CCDC154: variants seen among roughly 807,000 people sequenced by gnomAD.
The protein encoded by CCDC154 is coiled-coil domain containing 154.
CCDC154 carries 91 observed loss-of-function variants against 87.5 expected under a neutral mutation model. The observed-to-expected ratio is 1.04, with a 90% CI of 0.88 to 1.24. CCDC154 has a LOEUF of 1.24. Among genes scored for constraint, CCDC154 ranks in the 50% most tolerant of loss-of-function variants. The pLI is 0.00. For synonymous variants in CCDC154, 418 were observed against 400.4 expected (o/e 1.04, Z -0.52); for missense variants, 903 against 879.2 (o/e 1.03, Z -0.34).
At chr16:1,442,622 C>T (rs1041821730) in intron 5 of CCDC154, 93 bp from the exon 6 acceptor site, 17 of 1,352,498 alleles carry the variant, frequency 1.3e-5, no homozygotes, top group Middle Eastern at 2.1e-4. Context: ...AGGAGGTGTA[C>T]GACCCCCGCC....
chr16:1,437,625 A>G, intron 11 of CCDC154, 192 bp downstream of exon 11: 1 of 634,248 alleles, frequency 1.6e-6, no homozygotes, highest in Admixed American at 3.5e-5. Context: ...GAGGCTGCTC[A>G]GCGGCTGTCC....
intron 4 of CCDC154, 117 bp downstream of exon 4, chr16:1,443,144 T>C: frequency 7.3e-7 from 1 of 1,376,352 alleles, no homozygotes; most frequent in Non-Finnish European, 1.0e-6. Flanking sequence ...CCTGGATGTG[T>C]ATCCCCCACT....
Position 1,436,902 on chromosome 16 carries a change from G to T in CCDC154, c.1291-91C>A, listed in dbSNP as rs1596203037. ...ACACGGGGAGCTCTGGGGAGCAGGC[G>T]GCCCCCACCCCCACTTCCAGCTCTG... On this transcript the variant is annotated intron_variant, in intron 11 of 16. Transcript: ENST00000389176. 81 of 1,493,146 alleles carry T rather than the reference G, an allele frequency of 5.4e-5. No homozygotes were observed. In the East Asian group the frequency reaches 2.0e-3, roughly 37 times the overall value. 92.5% of individuals were successfully genotyped at this position (1,493,146 alleles called of 1,614,324 possible).
In CCDC154 at chr16:1,434,539, C is replaced by G; in HGVS notation, c.1878-5G>C. 6.5e-7 allele frequency: 1 copy of G among 1,542,438 alleles called. No individual in the cohort carries two copies. The highest frequency in any genetic ancestry group is 1.2e-5 in the South Asian group (1 of 83,748). On this transcript the variant is annotated splice_region_variant and splice_polypyrimidine_tract_variant and intron_variant, in intron 16 of 16. Transcript: ENST00000389176. ...GACGCCTTCCAGCGCAGCCACCTGT[C>G]CAGAGATGCGGCACATGGCCCCTGC...
Position 1,437,782 on chromosome 16 carries a change from T to C in CCDC154, c.1290+35A>G, listed in dbSNP as rs922686375. 31 of 1,508,150 alleles carry C rather than the reference T, an allele frequency of 2.1e-5. No individual in the cohort carries two copies. The East Asian group carries it at 3.7e-4, about 18-fold the overall frequency. The allele number at this position is 1,508,150 out of a possible 1,614,324, so 93.4% of individuals were successfully genotyped here. ...GAGCTGGAGGGGTGGGGACTCCCCA[T>C]AGCCCCGCCTGCCCCCGCCCGCTGC... On this transcript the variant is annotated intron_variant, in intron 11 of 16. Coordinates refer to ENST00000389176, the MANE Select transcript of CCDC154 (RefSeq NM_001143980.3).
intron 11 of CCDC154, 194 bp from the exon 12 acceptor site, chr16:1,437,005 G>GCCCT: frequency 1.4e-6 from 1 of 734,250 alleles, no homozygotes; most frequent in Non-Finnish European, 2.2e-6. Context: ...GCCAAGGCAG[G>GCCCT]GCCTGGGCAG....
intron 6 of CCDC154, among the ~76,000 whole-genome samples, 200 bp downstream of exon 6, chr16:1,442,206 G>A (rs1288897300): frequency 1.3e-5 from 2 of 152,242 alleles, no homozygotes; most frequent in South Asian, 2.1e-4. Flanking sequence ...GTGAGCCACC[G>A]TGCCCAAACA....
At chr16:1,441,822 CT>C (rs2038554560) in intron 6 of CCDC154, among the ~76,000 whole-genome samples, 1 of 152,212 alleles carries the variant, frequency 6.6e-6, no homozygotes, top group Admixed American at 6.5e-5. Context: ...CCAGGCTGGT[CT>C]TGACTTCCCA....
At position 1,443,491 on chromosome 16, in the gene CCDC154, G is replaced by C. The variant is rs896998355; in HGVS notation, c.414+15C>G. The C allele has an allele frequency of 1.4e-5, 20 of 1,451,756 alleles. No homozygotes were observed. The Admixed American group carries it at 2.4e-4, about 18-fold the overall frequency. The allele number at this position is 1,451,756 out of a possible 1,614,324, so 89.9% of individuals were successfully genotyped here. ...GAAAGGGGCAGCTCGACCTGTGGGTGGGGGAGCCGCTCACCTCCGGCGCCT... is the reference window on the plus strand; with the variant it reads ...GAAAGGGGCAGCTCGACCTGTGGGTCGGGGAGCCGCTCACCTCCGGCGCCT... On this transcript the variant is annotated intron_variant, in intron 3 of 16. Coordinates refer to ENST00000389176, the MANE Select transcript of CCDC154 (RefSeq NM_001143980.3).
Position 1,438,034 on chromosome 16 carries a change from T to A in CCDC154, c.1152+16A>T. The A allele has an allele frequency of 6.5e-7, 1 of 1,545,114 alleles. No homozygotes were observed. Among genetic ancestry groups the A allele is most frequent in the South Asian group, 1.2e-5 (1 of 83,718 alleles). ...GTGGGAGACCCCGTTGGGGACATGT[T>A]GCGCTACCCCCTCACCAGCACCAGC... is the stretch of plus-strand genomic sequence containing the variant. On this transcript the variant is annotated intron_variant, in intron 10 of 16. Coordinates refer to ENST00000389176, the MANE Select transcript of CCDC154 (RefSeq NM_001143980.3).
intron 6 of CCDC154, among the ~76,000 whole-genome samples, chr16:1,441,885 G>C (rs1397362758): frequency 6.6e-6 from 1 of 152,128 alleles, no homozygotes; most frequent in African/African-American, 2.4e-5. Flanking sequence ...GGATTTACAG[G>C]CGTGTGCCAC....
intron 2 of CCDC154, 25 bp from the exon 3 acceptor site, chr16:1,443,720 T>A (rs1001339537): frequency 7.7e-7 from 1 of 1,300,474 alleles, no homozygotes; most frequent in African/African-American, 1.5e-5. Context: ...AGTGGGCGAG[T>A]CTGGCGGTGC....
chr16:1,442,829 C>G (rs544052150), intron 5 of CCDC154, 51 bp downstream of exon 5: 1 of 1,507,542 alleles, frequency 6.6e-7, no homozygotes, highest in East Asian at 2.5e-5. Flanking sequence ...CAGGGACTCT[C>G]AAATGACCCC....
Position 1,443,579 on chromosome 16 carries a change from T to C in CCDC154, c.341A>G (p.Gln114Arg). 1 of 1,474,064 alleles carries C rather than the reference T, an allele frequency of 6.8e-7. No homozygotes were observed. Among genetic ancestry groups the C allele is most frequent in the African/African-American group, 1.4e-5 (1 of 70,718 alleles). The allele number at this position is 1,474,064 out of a possible 1,614,324, so 91.3% of individuals were successfully genotyped here. A position where few individuals can be genotyped will look rare whatever the true frequency, so the allele number is the denominator to read the frequency against. ...LLQVRARVQL[Q>R]GSELRQLQQE... ...CTGCAACTGCCTCAGCTCTGAGCCCTGCAGCTGCACGCGGGCCCGCACCTG... is the reference window on the plus strand; with the variant it reads ...CTGCAACTGCCTCAGCTCTGAGCCCCGCAGCTGCACGCGGGCCCGCACCTG... Residue 114 changes from glutamine to arginine, a missense_variant, in exon 3 of 17, where the codon CAG becomes CGG. Coordinates refer to ENST00000389176, the MANE Select transcript of CCDC154 (RefSeq NM_001143980.3).
At chr16:1,436,194 G>C (rs2038500272) in intron 13 of CCDC154, 108 bp from the exon 14 acceptor site, 6 of 1,000,532 alleles carry the variant, frequency 6.0e-6, no homozygotes, top group Non-Finnish European at 8.8e-6. Context: ...GGAGGCTCGA[G>C]GGGGCTCAGC....
chr16:1,440,244 T>G (rs1463264201), intron 6 of CCDC154, among the ~76,000 whole-genome samples: 1 of 149,276 alleles, frequency 6.7e-6, no homozygotes. Flanking sequence ...GGTCAGGAGA[T>G]CAAGACTATC....
At chr16:1,439,701 G>C (rs1257104005) in intron 6 of CCDC154, among the ~76,000 whole-genome samples, 2 of 152,192 alleles carry the variant, frequency 1.3e-5, no homozygotes, top group Non-Finnish European at 2.9e-5. Flanking sequence ...TGCCCCCCAG[G>C]AGGTCACCTT....
intron 9 of CCDC154, 28 bp downstream of exon 9, chr16:1,438,591 A>C (rs2038522743): frequency 6.5e-7 from 1 of 1,537,476 alleles, no homozygotes; most frequent in Admixed American, 2.0e-5. Context: ...CCCCCGCCTG[A>C]CAGCACCTGA....
At position 1,436,005 on chromosome 16, in the gene CCDC154, C is replaced by T. The variant is rs1359895683; in HGVS notation, c.1569G>A (p.Gly523=). The change falls in exon 14 of 17, where the codon GGG becomes GGA. Residue 523 remains glycine, a synonymous_variant. Transcript: ENST00000389176. ...SVQLLKEDNP[G]RKIAEMQGKL... ...TGCCCTGCATCTCCGCGATCTTCCG[C>T]CCAGGGTTGTCTTCCTTTAGCAGCT... is the stretch of plus-strand genomic sequence containing the variant. 6.5e-7 allele frequency: 1 copy of T among 1,550,278 alleles called. No individual in the cohort carries two copies. Among genetic ancestry groups the T allele is most frequent in the South Asian group, 1.2e-5 (1 of 84,050 alleles).
Sources: allele counts gnomAD v4.1 joint callset (sites outside exome capture counted in the v4.1 genomes callset), GRCh38; gene constraint gnomAD v4.1.1; transcripts MANE v1.5; gene names NCBI Gene and HGNC (gene_info 2026-07-23, HGNC 2026-07-21).